Variants in SLC41A2 observed in about 807,000 individuals in gnomAD.
The protein encoded by SLC41A2 is solute carrier family 41 member 2.
A neutral mutation model predicts 58.3 loss-of-function variants in SLC41A2; 32 were observed. The observed-to-expected ratio is 0.55, with a 90% CI of 0.41 to 0.74. The LOEUF (loss-of-function observed/expected upper bound fraction) is 0.74. Ranked by LOEUF, SLC41A2 falls within the 30% of genes least tolerant of loss-of-function variation. SLC41A2 has a pLI of 0.00. For missense variants in SLC41A2, 514 were observed against 680.6 expected (o/e 0.76, Z 2.72); for synonymous variants, 190 against 235.0 (o/e 0.81, Z 1.75).
intron 1 of SLC41A2, among the ~76,000 whole-genome samples, chr12:104,947,360 T>C (rs1287913372): frequency 1.3e-5 from 2 of 151,904 alleles, no homozygotes; most frequent in East Asian, 1.9e-4. Context: ...CGCACCACCA[T>C]GCTCGGCTAA....
At chr12:104,822,138 G>GA (rs1211025528) in intron 10 of SLC41A2, among the ~76,000 whole-genome samples, 5 of 151,264 alleles carry the variant, frequency 3.3e-5, no homozygotes, top group Admixed American at 3.3e-4. Flanking sequence ...GAAGGAAAAA[G>GA]AAAAAAAAGT....
chr12:104,956,159 T>C (rs1404734239), intron 1 of SLC41A2, among the ~76,000 whole-genome samples: 1 of 152,176 alleles, frequency 6.6e-6, no homozygotes, highest in Non-Finnish European at 1.5e-5. Context: ...TCTGTAGCTT[T>C]GCTCAAAATA....
At chr12:104,849,765 C>T (rs752229694) in intron 8 of SLC41A2, among the ~76,000 whole-genome samples, 2 of 152,120 alleles carry the variant, frequency 1.3e-5, no homozygotes, top group African/African-American at 4.8e-5. Flanking sequence ...GAGATTGAGG[C>T]TGCAGTGAGC....
intron 2 of SLC41A2, among the ~76,000 whole-genome samples, chr12:104,918,699 G>A (rs2046449064): frequency 1.3e-5 from 2 of 149,714 alleles, no homozygotes; most frequent in Admixed American, 1.3e-4. Flanking sequence ...GCATACAGCA[G>A]AGGACAGACT....
intron 2 of SLC41A2, 38 bp from the exon 3 acceptor site, chr12:104,909,800 C>T (rs776907323): frequency 2.7e-5 from 37 of 1,387,628 alleles, no homozygotes; most frequent in Non-Finnish European, 3.1e-5. Context: ...TTCTGGCACT[C>T]TTTAAAAAAT....
chr12:104,916,579 C>T (rs2046333656), intron 2 of SLC41A2, among the ~76,000 whole-genome samples: 1 of 152,114 alleles, frequency 6.6e-6, no homozygotes, highest in African/African-American at 2.4e-5. Flanking sequence ...AACTATACTA[C>T]AAGGCTACAG....
chr12:104,951,171 G>A (rs553216387), intron 1 of SLC41A2, among the ~76,000 whole-genome samples: 2 of 152,150 alleles, frequency 1.3e-5, no homozygotes, highest in South Asian at 4.2e-4. Context: ...ACATTATTTG[G>A]CTAAATTACA....
Position 104,886,302 on chromosome 12 carries a change from A to C in SLC41A2, c.1018T>G (p.Ser340Ala), listed in dbSNP as rs748192046. 3.8e-5 allele frequency: 62 copies of C among 1,613,080 alleles called. No homozygotes were observed. The highest frequency in any genetic ancestry group is 4.8e-5 in the Non-Finnish European group (57 of 1,179,486). Residue 340 changes from serine (S) to alanine (A), a missense_variant, in exon 6 of 11, where the codon TCC (serine) becomes GCC (alanine). This residue lies in a region of SLC41A2 where 336 missense variants were observed against 430.0 expected (regional missense o/e 0.78). Coordinates refer to ENST00000258538, the MANE Select transcript of SLC41A2 (RefSeq NM_001352171.3). Reference sequence around the variant, plus strand: ...TTTTAAATCAACTTACCAAGACAGGAGTATAAGCCCTGACTTATCCAAGCC... The same window carrying C: ...TTTTAAATCAACTTACCAAGACAGGCGTATAAGCCCTGACTTATCCAAGCC... ...ILAWISQGLY[S>A]CLETYYYISP... is the part of the protein sequence containing the mutation.
intron 6 of SLC41A2, among the ~76,000 whole-genome samples, chr12:104,868,473 G>A (rs1480341474): frequency 1.3e-5 from 2 of 151,798 alleles, no homozygotes; most frequent in Non-Finnish European, 2.9e-5. Context: ...CAGAATCACT[G>A]CCCTGAATTT....
Position 104,872,778 on chromosome 12 carries a change from C to T in SLC41A2, c.1028-6199G>A, listed in dbSNP as rs139054450. Among the ~76,000 whole-genome samples, 5 of 152,178 alleles carry T rather than the reference C, an allele frequency of 3.3e-5. No homozygotes were observed. The East Asian group carries it at 7.7e-4, about 24-fold the overall frequency. On this transcript the variant is annotated intron_variant, in intron 6 of 10. Transcript: ENST00000258538. ...TAGCACACATTGAATTCCATGGATG[C>T]AGAGAGCCTTAGTACATGTATGAAA...
intron 9 of SLC41A2, 44 bp downstream of exon 9, chr12:104,845,799 A>C: frequency 6.4e-7 from 1 of 1,570,662 alleles, no homozygotes; most frequent in African/African-American, 1.4e-5. Flanking sequence ...CTTAGAGAGC[A>C]ATAGCCCTTG....
intron 1 of SLC41A2, among the ~76,000 whole-genome samples, chr12:104,932,128 T>C (rs1315868085): frequency 6.6e-6 from 1 of 152,232 alleles, no homozygotes; most frequent in East Asian, 1.9e-4. Context: ...TGAATACTTA[T>C]CAGTTATTTC....
chr12:104,893,768 T>G (rs971337291), intron 4 of SLC41A2, among the ~76,000 whole-genome samples: 1 of 152,156 alleles, frequency 6.6e-6, no homozygotes, highest in African/African-American at 2.4e-5. Flanking sequence ...AAACAAACAT[T>G]GGATGTTCTC....
At chr12:104,892,879 A>G (rs528286941) in intron 4 of SLC41A2, among the ~76,000 whole-genome samples, 2 of 152,164 alleles carry the variant, frequency 1.3e-5, no homozygotes, top group Non-Finnish European at 2.9e-5. Context: ...TGAATCTAAG[A>G]CCTCAAACTA....
intron 10 of SLC41A2, among the ~76,000 whole-genome samples, chr12:104,840,949 G>A (rs1017969229): frequency 7.2e-5 from 11 of 151,896 alleles, no homozygotes; most frequent in African/African-American, 2.7e-4. Flanking sequence ...AAAATTGAGA[G>A]ATGATATACT....
chr12:104,904,690 G>A (rs1013273846), intron 3 of SLC41A2, among the ~76,000 whole-genome samples: 3 of 151,884 alleles, frequency 2.0e-5, no homozygotes, highest in Non-Finnish European at 4.4e-5. Flanking sequence ...TCGTGGTCTC[G>A]CTGGCTCAGG....
At chr12:104,894,223 G>T (rs750779971) in intron 4 of SLC41A2, among the ~76,000 whole-genome samples, 3 of 151,782 alleles carry the variant, frequency 2.0e-5, no homozygotes, top group Non-Finnish European at 4.4e-5. Context: ...GCGTGGTGGC[G>T]CGTACCTGTA....
At chr12:104,858,610 A>G (rs986939151) in intron 8 of SLC41A2, among the ~76,000 whole-genome samples, 3 of 152,168 alleles carry the variant, frequency 2.0e-5, no homozygotes, top group Non-Finnish European at 2.9e-5. Context: ...CATAGAGTAA[A>G]CCATCTCTAT....
Position 104,803,239 on chromosome 12 carries a change from CA to C in SLC41A2, c.*1912del, listed in dbSNP as rs1472021197. 7 of 151,792 alleles carry C rather than the reference CA, an allele frequency of 4.6e-5. No homozygotes were observed. The highest frequency in any genetic ancestry group is 1.0e-4 in the Non-Finnish European group (7 of 67,936). 9.4% of individuals were successfully genotyped at this position (151,792 alleles called of 1,614,324 possible). A position where few individuals can be genotyped will look rare whatever the true frequency, so the allele number is the denominator to read the frequency against. On this transcript the variant is annotated 3_prime_UTR_variant, in exon 11 of 11. Coordinates refer to ENST00000258538, the MANE Select transcript of SLC41A2 (RefSeq NM_001352171.3). ...ATTTACAAATGCTTTATAATAAAAT[CA>C]AAGATATTCATGGATTTTTTTAAGT...
Sources: gnomAD v4.1 joint callset for allele counts (sites outside exome capture counted in the v4.1 genomes callset) on GRCh38, gnomAD v4.1.1 for gene constraint, gnomAD v4.1.1 regional missense constraint, MANE v1.5 for transcripts, NCBI Gene and HGNC (gene_info 2026-07-23, HGNC 2026-07-21) for gene names.